The following NIBAN1 variants were observed in gnomAD, a reference collection of about 807,000 sequenced individuals.
The protein encoded by NIBAN1 is niban apoptosis regulator 1.
NIBAN1 carries 81 observed loss-of-function variants against 75.1 expected under a neutral mutation model. That is an observed-to-expected ratio of 1.08 (90% CI 0.90 to 1.30). The LOEUF (loss-of-function observed/expected upper bound fraction) is 1.30, where lower values mean the gene tolerates loss of function less well. Ranked by LOEUF, NIBAN1 falls within the 50% of genes most tolerant of loss-of-function variation. NIBAN1 has a pLI of 0.00. For missense variants in NIBAN1, 1,133 were observed against 1,128.1 expected, an observed-to-expected ratio of 1.00 and a Z score of -0.06; for synonymous variants, 436 against 424.8, an observed-to-expected ratio of 1.03 and a Z score of -0.32.
At chr1:184,894,344 C>T in intron 2 of NIBAN1, 138 bp from the exon 3 acceptor site, 1 of 863,582 alleles carries the variant, frequency 1.2e-6, no homozygotes, top group Non-Finnish European at 1.7e-6. Context: ...TTGCTTCCTC[C>T]TCTCCCCCCA....
chr1:184,884,970 C>A (rs1228817883), intron 4 of NIBAN1, among the ~76,000 whole-genome samples, 170 bp from the exon 5 acceptor site: 1 of 152,210 alleles, frequency 6.6e-6, no homozygotes, highest in Non-Finnish European at 1.5e-5. Context: ...TGGCATCCCT[C>A]CACCAGCTTC....
At chr1:184,859,767 A>G (rs1655768766) in intron 5 of NIBAN1, among the ~76,000 whole-genome samples, 1 of 151,652 alleles carries the variant, frequency 6.6e-6, no homozygotes, top group Non-Finnish European at 1.5e-5. Context: ...TGCTCACCAG[A>G]TTACTGTGAG....
chr1:184,863,533 G>A (rs1273321927), intron 5 of NIBAN1, among the ~76,000 whole-genome samples: 2 of 152,168 alleles, frequency 1.3e-5, no homozygotes, highest in East Asian at 3.9e-4. Flanking sequence ...GCAAGCAACT[G>A]CAATTGCAAT....
intron 9 of NIBAN1, among the ~76,000 whole-genome samples, chr1:184,817,794 G>C (rs1654580299): frequency 6.6e-6 from 1 of 152,178 alleles, no homozygotes; most frequent in Non-Finnish European, 1.5e-5. Context: ...CTGTAACCTA[G>C]CTTAATAGTC....
intron 1 of NIBAN1, among the ~76,000 whole-genome samples, chr1:184,913,523 G>A (rs1222770128): frequency 6.6e-6 from 1 of 152,136 alleles, no homozygotes; most frequent in Non-Finnish European, 1.5e-5. Flanking sequence ...CAGTTGGAAT[G>A]TTTATTGTAT....
intron 1 of NIBAN1, among the ~76,000 whole-genome samples, chr1:184,927,624 C>T (rs544884870): frequency 6.6e-6 from 1 of 152,278 alleles, no homozygotes; most frequent in South Asian, 2.1e-4. Flanking sequence ...AGCACTAGGA[C>T]TCACCCAAGG....
At chr1:184,922,367 C>G (rs1371297603) in intron 1 of NIBAN1, among the ~76,000 whole-genome samples, 2 of 151,818 alleles carry the variant, frequency 1.3e-5, no homozygotes, top group Non-Finnish European at 2.9e-5. Context: ...ATTTTTTTAC[C>G]TATTAATCAA....
chr1:184,899,398 C>G lies in NIBAN1; in HGVS notation c.56-89G>C, dbSNP rs1469139833. ...TCCAAAAACCATCCCTCCAGTCTCT[C>G]TGTTTCTATCCCTCCAGTCACCCCT... On this transcript the variant is annotated intron_variant, in intron 1 of 13. Transcript: ENST00000367511. 1.4e-5 allele frequency: 19 copies of G among 1,348,452 alleles called. 1 individual carries two copies. The South Asian group carries it at 2.0e-4, about 14-fold the overall frequency. The allele number at this position is 1,348,452 out of a possible 1,614,324, so 83.5% of individuals were successfully genotyped here.
At chr1:184,879,933 C>T (rs1656334223) in intron 5 of NIBAN1, among the ~76,000 whole-genome samples, 1 of 152,164 alleles carries the variant, frequency 6.6e-6, no homozygotes, top group African/African-American at 2.4e-5. Context: ...TTGTTGTGGT[C>T]TTTTCACCAA....
chr1:184,838,020 C>T (rs147463427), intron 5 of NIBAN1, among the ~76,000 whole-genome samples: 3 of 152,100 alleles, frequency 2.0e-5, no homozygotes, highest in Non-Finnish European at 4.4e-5. Flanking sequence ...AGGTATTGTC[C>T]GACTGGTGCA....
intron 1 of NIBAN1, among the ~76,000 whole-genome samples, chr1:184,939,137 T>C (rs944636133): frequency 6.6e-6 from 1 of 152,250 alleles, no homozygotes; most frequent in Non-Finnish European, 1.5e-5. Flanking sequence ...ACAAATGTAC[T>C]AGAAGCTGCA....
chr1:184,795,758 GCCA>G lies in NIBAN1; in HGVS notation c.2003_2005del (p.Val668del). The G allele has an allele frequency of 6.2e-7, 1 of 1,612,038 alleles. No individual in the cohort carries two copies. Among genetic ancestry groups the G allele is most frequent in the Non-Finnish European group, 8.5e-7 (1 of 1,178,796 alleles). ...CGGGAGTCCTGCTGTGTCCTCTGTTGCCACAGGATTCACCACGGGGTCATCCAC... is the reference window on the plus strand; with the variant it reads ...CGGGAGTCCTGCTGTGTCCTCTGTTGCAGGATTCACCACGGGGTCATCCAC... On this transcript the variant is annotated inframe_deletion, in exon 14 of 14. Coordinates refer to ENST00000367511, the MANE Select transcript of NIBAN1 (RefSeq NM_052966.4).
intron 6 of NIBAN1, among the ~76,000 whole-genome samples, chr1:184,831,268 A>G: frequency 6.6e-6 from 1 of 152,366 alleles, no homozygotes; most frequent in South Asian, 2.1e-4. Flanking sequence ...AATTAAATAT[A>G]TAGAAAACTG....
chr1:184,961,566 G>A (rs921524993), intron 1 of NIBAN1, among the ~76,000 whole-genome samples: 1 of 152,144 alleles, frequency 6.6e-6, no homozygotes, highest in Non-Finnish European at 1.5e-5. Flanking sequence ...CTACTTAATA[G>A]CCATCATGCT....
At chr1:184,844,503 A>G (rs1450801642) in intron 5 of NIBAN1, among the ~76,000 whole-genome samples, 1 of 152,246 alleles carries the variant, frequency 6.6e-6, no homozygotes, top group Non-Finnish European at 1.5e-5. Context: ...GAGACAGGTA[A>G]GCCAGATGTA....
chr1:184,822,373 T>G (rs1654726848), intron 8 of NIBAN1, among the ~76,000 whole-genome samples: 1 of 152,248 alleles, frequency 6.6e-6, no homozygotes, highest in Non-Finnish European at 1.5e-5. Context: ...AGTAAATATT[T>G]GTGCCTTTGT....
intron 1 of NIBAN1, among the ~76,000 whole-genome samples, chr1:184,945,830 T>A (rs1247082751): frequency 6.6e-6 from 1 of 152,072 alleles, no homozygotes; most frequent in Non-Finnish European, 1.5e-5. Context: ...AGAAACAGCA[T>A]CATGACTCTG....
At chr1:184,930,256 C>T (rs544642761) in intron 1 of NIBAN1, among the ~76,000 whole-genome samples, 2 of 152,192 alleles carry the variant, frequency 1.3e-5, no homozygotes, top group South Asian at 2.1e-4. Flanking sequence ...TGCAAATGAT[C>T]GGCAATGAAA....
At chr1:184,827,233 G>C (rs1366769020) in intron 6 of NIBAN1, among the ~76,000 whole-genome samples, 1 of 151,546 alleles carries the variant, frequency 6.6e-6, no homozygotes, top group Non-Finnish European at 1.5e-5. Flanking sequence ...TAATACAGTG[G>C]GGGAGTGGGG....
Sources: allele counts gnomAD v4.1 joint callset (sites outside exome capture counted in the v4.1 genomes callset), GRCh38; gene constraint gnomAD v4.1.1; transcripts MANE v1.5; gene names NCBI Gene and HGNC (gene_info 2026-07-23, HGNC 2026-07-21).